Variants in TTLL11 observed in about 807,000 individuals in gnomAD.
TTLL11 encodes tubulin polyglutamylase TTLL11.
Under a neutral mutation model 51.7 loss-of-function variants are expected in TTLL11, and 42 were observed. The observed-to-expected ratio is 0.81, with a 90% CI of 0.64 to 1.05. The LOEUF is 1.05. TTLL11 is among the 50% of genes least tolerant of loss of function. The pLI is 0.00. For synonymous variants in TTLL11, 381 were observed against 383.5 expected, an observed-to-expected ratio of 0.99 and a Z score of 0.08; for missense variants, 799 against 940.4, an observed-to-expected ratio of 0.85 and a Z score of 1.97.
At chr9:121,970,373 A>C (rs1229681712) in intron 6 of TTLL11, among the ~76,000 whole-genome samples, 3 of 152,210 alleles carry the variant, frequency 2.0e-5, no homozygotes, top group Non-Finnish European at 4.4e-5. Context: ...GAAAAATAAA[A>C]CTAAATGTGT....
chr9:121,861,653 G>C (rs573920178), intron 7 of TTLL11, among the ~76,000 whole-genome samples: 1 of 152,104 alleles, frequency 6.6e-6, no homozygotes, highest in Non-Finnish European at 1.5e-5. Context: ...CTAGGCCCTC[G>C]GCACTGCCCT....
At position 121,853,139 on chromosome 9, in the gene TTLL11, A is replaced by G. The variant is rs1179894319; in HGVS notation, c.1840+7198T>C. ...TGAGGGATTTTGCTGAGAGATGGTC[A>G]TGAGGCTCAGACACCCATGGGATTG... On this transcript the variant is annotated intron_variant, in intron 8 of 8. Coordinates refer to ENST00000321582, the MANE Select transcript of TTLL11 (RefSeq NM_001139442.2). The surrounding 1 kb of genome is among the most constrained non-coding windows in gnomAD (Gnocchi z 5.6). Among the ~76,000 whole-genome samples the G allele has an allele frequency of 1.3e-5, 2 of 152,216 alleles. No individual in the cohort carries two copies. The highest frequency in any genetic ancestry group is 4.8e-5 in the African/African-American group (2 of 41,458).
chr9:121,833,053 G>C (rs960216481), intron 8 of TTLL11, among the ~76,000 whole-genome samples: 22 of 152,174 alleles, frequency 1.4e-4, no homozygotes, highest in African/African-American at 5.1e-4. Context: ...TGCAGCGAAT[G>C]AGGGATGGAG....
intron 6 of TTLL11, among the ~76,000 whole-genome samples, chr9:121,938,669 G>A (rs1841327261): frequency 6.6e-6 from 1 of 152,054 alleles, no homozygotes; most frequent in Non-Finnish European, 1.5e-5. Flanking sequence ...CATAGAGAAA[G>A]AAATCCAAAT....
intron 6 of TTLL11, among the ~76,000 whole-genome samples, chr9:121,960,394 C>A (rs1842181617): frequency 6.6e-6 from 1 of 152,148 alleles, no homozygotes; most frequent in Non-Finnish European, 1.5e-5. Flanking sequence ...TTTGTCAATA[C>A]AGCTATGAAT....
intron 6 of TTLL11, among the ~76,000 whole-genome samples, chr9:121,925,859 T>C (rs1840709534): frequency 6.6e-6 from 1 of 152,150 alleles, no homozygotes; most frequent in South Asian, 2.1e-4. Flanking sequence ...ACATCACCCA[T>C]TCAGGGGTGA....
At chr9:121,894,769 G>A (rs556192491) in intron 6 of TTLL11, among the ~76,000 whole-genome samples, 12 of 152,222 alleles carry the variant, frequency 7.9e-5, no homozygotes, top group Non-Finnish European at 1.5e-4. Context: ...ACTAGGGGAG[G>A]GATAGCATTA....
intron 1 of TTLL11, among the ~76,000 whole-genome samples, chr9:122,082,145 T>C (rs1588265568): frequency 1.3e-5 from 2 of 152,218 alleles, no homozygotes; most frequent in African/African-American, 4.8e-5. Flanking sequence ...AAAGTACATA[T>C]GCCCTTTCAC....
chr9:121,834,342 C>T (rs975477235), intron 8 of TTLL11, among the ~76,000 whole-genome samples: 1 of 152,204 alleles, frequency 6.6e-6, no homozygotes, highest in Non-Finnish European at 1.5e-5. Flanking sequence ...AGGCATTCAG[C>T]TCCATGAATA....
At chr9:121,873,831 C>CT (rs71508142) in intron 6 of TTLL11, among the ~76,000 whole-genome samples, 16,464 of 77,184 alleles carry the variant, frequency 0.21, 3,392 homozygotes, top group East Asian at 0.74. Context: ...ATTAGCCTGA[C>CT]TTTTTTTTTT....
At chr9:121,913,654 G>C (rs1284483636) in intron 6 of TTLL11, among the ~76,000 whole-genome samples, 1 of 152,186 alleles carries the variant, frequency 6.6e-6, no homozygotes, top group Non-Finnish European at 1.5e-5. Flanking sequence ...GAAGCTTTAA[G>C]CTGCTTGTGA....
intron 6 of TTLL11, among the ~76,000 whole-genome samples, chr9:121,943,023 TG>T (rs1841543934): frequency 6.6e-6 from 1 of 152,176 alleles, no homozygotes; most frequent in Admixed American, 6.5e-5. Flanking sequence ...GAAGGTCACG[TG>T]GCATGTGAGA....
In TTLL11 at chr9:121,822,486, TCGGCAGCCTGCCTGCCA is replaced by T; in HGVS notation, c.*84_*100del. On this transcript the variant is annotated 3_prime_UTR_variant, in exon 9 of 9. Coordinates refer to ENST00000321582, the MANE Select transcript of TTLL11 (RefSeq NM_001139442.2). The surrounding 1 kb of genome is among the most constrained non-coding windows in gnomAD (Gnocchi z 5.8). ...TTCGTGGGGACCTCAGCTGGGCCCC[TCGGCAGCCTGCCTGCCA>T]TTCCTCTGCAGGCAGAATGCCTGGG... 8.3e-7 allele frequency: 1 copy of T among 1,200,470 alleles called. No homozygotes were observed. Among genetic ancestry groups the T allele is most frequent in the Non-Finnish European group, 1.1e-6 (1 of 893,560 alleles). The allele number at this position is 1,200,470 out of a possible 1,614,324, so 74.4% of individuals were successfully genotyped here. A position where few individuals can be genotyped will look rare whatever the true frequency, so the allele number is the denominator to read the frequency against.
At chr9:121,960,367 C>T (rs1194932829) in intron 6 of TTLL11, among the ~76,000 whole-genome samples, 1 of 152,116 alleles carries the variant, frequency 6.6e-6, no homozygotes, top group African/African-American at 2.4e-5. Context: ...TTGATTCCAG[C>T]TTAGAGCTTT....
At chr9:122,090,265 A>G (rs1846225414) in intron 1 of TTLL11, among the ~76,000 whole-genome samples, 1 of 152,212 alleles carries the variant, frequency 6.6e-6, no homozygotes, top group Non-Finnish European at 1.5e-5. Context: ...TCAAGGGTTT[A>G]ACTGACTTGC....
intron 6 of TTLL11, among the ~76,000 whole-genome samples, chr9:121,972,530 G>A (rs923535394): frequency 2.6e-5 from 4 of 152,254 alleles, no homozygotes; most frequent in Non-Finnish European, 2.9e-5. Context: ...ATTCTCAGCC[G>A]AGTCTTGCCA....
At chr9:122,000,637 C>T (rs1006764815) in intron 3 of TTLL11, among the ~76,000 whole-genome samples, 2 of 152,082 alleles carry the variant, frequency 1.3e-5, no homozygotes, top group African/African-American at 4.8e-5. Flanking sequence ...GGCATGGCAA[C>T]GTCAGGAAGT....
chr9:121,874,490 A>G (rs75339424), intron 6 of TTLL11, among the ~76,000 whole-genome samples: 3,565 of 152,304 alleles, frequency 0.023, 127 homozygotes, highest in African/African-American at 0.08. Flanking sequence ...GAGCAACACT[A>G]TTAACATTTT....
Position 121,823,026 on chromosome 9 carries a change from C to T in TTLL11, c.1841-147G>A, listed in dbSNP as rs577480129. On this transcript the variant is annotated intron_variant, in intron 8 of 8. Transcript: ENST00000321582. ...TTCCAGAAACTCCTAACAGGGCTAA[C>T]TCACTCACAGAGTGCCCACTGTGCC... 6.0e-4 allele frequency: 599 copies of T among 1,006,290 alleles called. 6 individuals are homozygous for T. The highest frequency in any genetic ancestry group is 1.0e-3 in the South Asian group (56 of 56,248). 62.3% of individuals were successfully genotyped at this position (1,006,290 alleles called of 1,614,324 possible). A position where few individuals can be genotyped will look rare whatever the true frequency, so the allele number is the denominator to read the frequency against.
Sources: allele counts gnomAD v4.1 joint callset (sites outside exome capture counted in the v4.1 genomes callset), GRCh38; gene constraint gnomAD v4.1.1; non-coding constraint Gnocchi (gnomAD v3.1); transcripts MANE v1.5; gene names NCBI Gene and HGNC (gene_info 2026-07-23, HGNC 2026-07-21).